The following CELF1 variants were observed in gnomAD, a reference collection of about 807,000 sequenced individuals.
CELF1 encodes CUGBP Elav-like family member 1.
Under a neutral mutation model 61.8 loss-of-function variants are expected in CELF1, and 10 were observed. The observed-to-expected ratio is 0.16, with a 90% CI of 0.10 to 0.27. The LOEUF is 0.27. Among genes scored for constraint, CELF1 ranks in the 10% least tolerant of loss-of-function variants. The pLI, the probability that CELF1 is intolerant of heterozygous loss-of-function variation, is 1.00. For missense variants in CELF1, 380 were observed against 639.1 expected, an observed-to-expected ratio of 0.59 and a Z score of 4.37; for synonymous variants, 236 against 225.1, an observed-to-expected ratio of 1.05 and a Z score of -0.43.
At position 47,475,368 on chromosome 11, in the gene CELF1, T is replaced by G. The variant is rs943362358; in HGVS notation, c.1241A>C (p.Gln414Pro). Residue 414 changes from glutamine (Q) to proline (P), a missense_variant, in exon 13 of 15, where the codon CAG becomes CCG. By Grantham distance (76) the Gln-to-Pro change is moderately conservative. Coordinates refer to ENST00000687097, the MANE Select transcript of CELF1 (RefSeq NM_001376376.1). Reference protein sequence around the residue: ...TLYNQNLLTQQSIGAAGSQKE... With the variant: ...TLYNQNLLTQPSIGAAGSQKE... ...CTGGCTTCCAGCAGCACCAATACTC[T>G]GCTGTGTCAGAAGATTCTGGTTGTA... The G allele has an allele frequency of 6.2e-7, 1 of 1,613,970 alleles. No homozygotes were observed. The highest frequency in any genetic ancestry group is 1.3e-5 in the African/African-American group (1 of 75,020).
At chr11:47,514,546 C>CA (rs1394507831) in intron 1 of CELF1, among the ~76,000 whole-genome samples, 1 of 151,770 alleles carries the variant, frequency 6.6e-6, no homozygotes, top group East Asian at 1.9e-4. Context: ...ACAGAGCATG[C>CA]AAAAAACATT....
chr11:47,511,459 C>T (rs1304113674), intron 1 of CELF1, among the ~76,000 whole-genome samples: 1 of 151,806 alleles, frequency 6.6e-6, no homozygotes, highest in Non-Finnish European at 1.5e-5. Context: ...ATAAATTTTT[C>T]TATCTTTAGA....
At chr11:47,479,041 T>C (rs2081508837) in intron 9 of CELF1, 89 bp from the exon 10 acceptor site, 2 of 1,017,386 alleles carry the variant, frequency 2.0e-6, no homozygotes, top group Admixed American at 4.1e-5. Context: ...AAAGCGAGAG[T>C]GCAGAGGCCC....
intron 3 of CELF1, 44 bp from the exon 4 acceptor site, chr11:47,489,068 T>C: frequency 7.1e-7 from 1 of 1,411,030 alleles, no homozygotes; most frequent in Non-Finnish European, 9.3e-7. Context: ...ATAATGTTGC[T>C]TTCCAGAGGA....
At chr11:47,504,382 G>C (rs989429922) in intron 1 of CELF1, among the ~76,000 whole-genome samples, 3 of 151,174 alleles carry the variant, frequency 2.0e-5, no homozygotes, top group Non-Finnish European at 4.4e-5. Context: ...GCTCAGGCAA[G>C]ACTAGCCTGG....
chr11:47,535,692 A>AAAT (rs1555189097), intron 1 of CELF1, among the ~76,000 whole-genome samples: 1 of 151,002 alleles, frequency 6.6e-6, no homozygotes, highest in Non-Finnish European at 1.5e-5. Flanking sequence ...AAAAAAAAAA[A>AAAT]AAATAAATCA....
At chr11:47,548,463 C>T (rs946122552) in intron 1 of CELF1, among the ~76,000 whole-genome samples, 3 of 151,996 alleles carry the variant, frequency 2.0e-5, no homozygotes, top group Admixed American at 1.3e-4. Flanking sequence ...GGGACTATAT[C>T]GAACATGAAA....
At chr11:47,553,424 G>A (rs2153787092), upstream of CELF1, among the ~76,000 whole-genome samples, 1 of 152,354 alleles carries the variant, frequency 6.6e-6, no homozygotes. Context: ...CCAGGCCTGG[G>A]AATCTGAAGT....
chr11:47,515,175 T>C (rs2095488623), intron 1 of CELF1, among the ~76,000 whole-genome samples: 1 of 152,218 alleles, frequency 6.6e-6, no homozygotes, highest in Non-Finnish European at 1.5e-5. Context: ...TTGAACCCAA[T>C]GTTCCAGGCA....
chr11:47,505,250 A>T (rs1773537082), intron 1 of CELF1, among the ~76,000 whole-genome samples: 1 of 151,206 alleles, frequency 6.6e-6, no homozygotes, highest in South Asian at 2.1e-4. Flanking sequence ...TTCAGATCCC[A>T]CACTAGTTCT....
intron 3 of CELF1, among the ~76,000 whole-genome samples, chr11:47,491,250 C>T (rs559252092): frequency 3.0e-5 from 2 of 67,248 alleles, no homozygotes; most frequent in East Asian, 3.9e-4. Context: ...GCAACCTCCA[C>T]CTCCCAGGTT....
intron 3 of CELF1, among the ~76,000 whole-genome samples, chr11:47,493,513 GAAA>G (rs35976407): frequency 2.7e-4 from 23 of 84,916 alleles, no homozygotes; most frequent in Non-Finnish European, 4.3e-4. Context: ...ATCTCAAAAA[GAAA>G]AAAAAAAAAA....
chr11:47,482,973 T>C, intron 8 of CELF1, 117 bp from the exon 9 acceptor site: 1 of 901,362 alleles, frequency 1.1e-6, no homozygotes, highest in Non-Finnish European at 1.7e-6. Flanking sequence ...CAAATGATTC[T>C]CCTCATGATA....
At chr11:47,514,708 A>AG (rs1186476968) in intron 1 of CELF1, 2 of 152,018 alleles carry the variant, frequency 1.3e-5, no homozygotes, top group Non-Finnish European at 2.9e-5. Context: ...AAAAAAAAAA[A>AG]AAAATCAGAC....
chr11:47,481,099 CTTCTTTTTTTT>C (rs2082904048), intron 9 of CELF1, among the ~76,000 whole-genome samples: 2 of 62,294 alleles, frequency 3.2e-5, no homozygotes, highest in African/African-American at 1.1e-4. Flanking sequence ...TTTTTTTCTT[CTTCTTTTTTTT>C]TTTTTTTTTT....
chr11:47,561,952 C>T (rs865985000), intron 2 of CELF1, among the ~76,000 whole-genome samples: 2 of 151,696 alleles, frequency 1.3e-5, no homozygotes, highest in Non-Finnish European at 2.9e-5. Flanking sequence ...AAAAGCTGGG[C>T]GCAGTGGCTC....
rs1395990911 is a variant in CELF1 at position 47,500,937 on chromosome 11, A to G, written c.-153-5T>C. ...AAAAAAGAAGTTATGTTCAGCCTGC[A>G]AAGAAGTAAAACGAATGAACTACTA... On this transcript the variant is annotated splice_region_variant and splice_polypyrimidine_tract_variant and intron_variant, in intron 1 of 14. Coordinates refer to ENST00000687097, the MANE Select transcript of CELF1 (RefSeq NM_001376376.1). 2.5e-6 allele frequency: 1 copy of G among 398,480 alleles called. No homozygotes were observed. The highest frequency in any genetic ancestry group is 4.4e-6 in the Non-Finnish European group (1 of 226,054). 24.7% of individuals were successfully genotyped at this position (398,480 alleles called of 1,614,324 possible). A position where few individuals can be genotyped will look rare whatever the true frequency, so the allele number is the denominator to read the frequency against.
intron 1 of CELF1, among the ~76,000 whole-genome samples, chr11:47,535,128 C>T (rs1488520434): frequency 6.6e-6 from 1 of 152,104 alleles, no homozygotes; most frequent in Non-Finnish European, 1.5e-5. Flanking sequence ...CAGTAATAAT[C>T]TAGAACTTCA....
chr11:47,504,948 T>C (rs1318687418), intron 1 of CELF1, among the ~76,000 whole-genome samples: 4 of 150,506 alleles, frequency 2.7e-5, no homozygotes, highest in Non-Finnish European at 5.9e-5. Context: ...AAAATCACTG[T>C]ACCAAAAAAG....
Sources: gnomAD v4.1 joint callset for allele counts (sites outside exome capture counted in the v4.1 genomes callset) on GRCh38, gnomAD v4.1.1 for gene constraint, MANE v1.5 for transcripts, NCBI Gene and HGNC (gene_info 2026-07-23, HGNC 2026-07-21) for gene names.